GPR158: variants seen among roughly 807,000 people sequenced by gnomAD.
GPR158 encodes metabotropic glycine receptor.
In GPR158, 30 loss-of-function variants were observed where a neutral mutation model predicts 78.2. The observed-to-expected ratio is 0.38, with a 90% confidence interval of 0.29 to 0.52. The LOEUF is 0.52. Ranked by LOEUF, GPR158 falls within the 20% of genes least tolerant of loss-of-function variation. GPR158 has a pLI of 0.83. For synonymous variants in GPR158, 581 were observed against 591.1 expected, an observed-to-expected ratio of 0.98 and a Z score of 0.25; for missense variants, 1,463 against 1,523.5, an observed-to-expected ratio of 0.96 and a Z score of 0.66.
intron 4 of GPR158, among the ~76,000 whole-genome samples, chr10:25,457,428 A>G (rs1288505381): frequency 6.6e-6 from 1 of 150,904 alleles, no homozygotes; most frequent in Non-Finnish European, 1.5e-5. Context: ...TTTTGACTGT[A>G]TGACTTCTGT....
At chr10:25,415,979 A>T (rs1834653153) in intron 4 of GPR158, among the ~76,000 whole-genome samples, 1 of 152,160 alleles carries the variant, frequency 6.6e-6, no homozygotes, top group Admixed American at 6.5e-5. Flanking sequence ...TATATACTTT[A>T]AAAAGGTGAA....
chr10:25,443,400 T>G (rs754867421), intron 4 of GPR158, among the ~76,000 whole-genome samples: 214 of 151,760 alleles, frequency 1.4e-3, no homozygotes, highest in Non-Finnish European at 2.5e-3. Flanking sequence ...ATTAAAAATA[T>G]AAAAATTAGC....
chr10:25,458,038 A>C (rs1190793493), intron 4 of GPR158, among the ~76,000 whole-genome samples: 2 of 152,240 alleles, frequency 1.3e-5, no homozygotes, highest in Non-Finnish European at 2.9e-5. Flanking sequence ...ACATGTATAT[A>C]AAATCATTAA....
chr10:25,279,681 A>C (rs1204186461), intron 2 of GPR158, among the ~76,000 whole-genome samples: 16 of 152,206 alleles, frequency 1.1e-4, no homozygotes, highest in Admixed American at 1.0e-3. Context: ...AACAGTCTTC[A>C]CAATGCCTGG....
chr10:25,181,762 G>A (rs1426738931), intron 1 of GPR158, among the ~76,000 whole-genome samples: 1 of 152,134 alleles, frequency 6.6e-6, no homozygotes, highest in African/African-American at 2.4e-5. Flanking sequence ...CTGTTGCCCA[G>A]GCTGGAGTGC....
At chr10:25,246,762 T>A (rs915925502) in intron 2 of GPR158, among the ~76,000 whole-genome samples, 1 of 152,146 alleles carries the variant, frequency 6.6e-6, no homozygotes, top group African/African-American at 2.4e-5. Context: ...TTCTTGTAAG[T>A]TAAAGAGTCA....
intron 4 of GPR158, among the ~76,000 whole-genome samples, chr10:25,462,533 G>A (rs941747298): frequency 1.3e-5 from 2 of 152,026 alleles, no homozygotes; most frequent in Admixed American, 6.6e-5. Context: ...GATAGATCTG[G>A]GCAAAGTAAA....
intron 7 of GPR158, among the ~76,000 whole-genome samples, chr10:25,574,888 G>T (rs181372151): frequency 2.6e-5 from 4 of 151,820 alleles, no homozygotes; most frequent in Non-Finnish European, 5.9e-5. Flanking sequence ...TTGTCTCAAA[G>T]AAATAAAAAA....
chr10:25,317,045 A>T (rs972686880), intron 2 of GPR158, among the ~76,000 whole-genome samples: 1 of 150,092 alleles, frequency 6.7e-6, no homozygotes. Flanking sequence ...TTAAATTTTT[A>T]AAGTAATTTT....
At chr10:25,562,476 G>A (rs2130722661) in intron 6 of GPR158, among the ~76,000 whole-genome samples, 1 of 152,136 alleles carries the variant, frequency 6.6e-6, no homozygotes, top group South Asian at 2.1e-4. Context: ...ATTCTGATAT[G>A]TTTTTATTTC....
chr10:25,467,626 C>A (rs1002965001), intron 5 of GPR158, among the ~76,000 whole-genome samples: 1 of 152,006 alleles, frequency 6.6e-6, no homozygotes, highest in African/African-American at 2.4e-5. Flanking sequence ...GGGCATGACT[C>A]CCCAGACCCC....
chr10:25,287,000 G>A (rs112555404), intron 2 of GPR158, among the ~76,000 whole-genome samples: 1,826 of 152,106 alleles, frequency 0.012, 27 homozygotes, highest in South Asian at 0.058. Context: ...CTTGATGCCT[G>A]CTATCCTCGT....
intron 5 of GPR158, among the ~76,000 whole-genome samples, chr10:25,524,328 T>C (rs141971360): frequency 2.0e-5 from 3 of 152,244 alleles, no homozygotes; most frequent in East Asian, 3.9e-4. Context: ...GCCCAGAATA[T>C]CTAAAATAAT....
At chr10:25,316,247 G>A (rs1854846391) in intron 2 of GPR158, among the ~76,000 whole-genome samples, 1 of 152,092 alleles carries the variant, frequency 6.6e-6, no homozygotes, top group Admixed American at 6.5e-5. Context: ...GTATCTGGTA[G>A]GCTCTCCCTA....
chr10:25,424,517 G>C (rs1006851038), intron 4 of GPR158, among the ~76,000 whole-genome samples: 2 of 151,190 alleles, frequency 1.3e-5, no homozygotes, highest in Admixed American at 6.6e-5. Flanking sequence ...ATGGTTTTAG[G>C]TCTAACATTT....
intron 6 of GPR158, among the ~76,000 whole-genome samples, chr10:25,553,516 C>A (rs1836751823): frequency 6.6e-6 from 1 of 152,138 alleles, no homozygotes; most frequent in Admixed American, 6.6e-5. Context: ...ACATTGTTTA[C>A]ATCTATAAAC....
At chr10:25,383,042 G>T (rs190812179) in intron 2 of GPR158, among the ~76,000 whole-genome samples, 2 of 152,108 alleles carry the variant, frequency 1.3e-5, no homozygotes, top group East Asian at 3.9e-4. Context: ...TCACTATGTT[G>T]GCCAGGCTGG....
At position 25,597,926 on chromosome 10, in the gene GPR158, G is replaced by A. The variant is rs145808794; in HGVS notation, c.2300G>A (p.Arg767Gln). The change falls in exon 11 of 11, where the codon CGG becomes CAG. Residue 767 changes from arginine to glutamine, a missense_variant. Transcript: ENST00000376351. ...ACGGAGATCCCAGAGACAGTCAGCC[G>A]GCAGTGCTCTAAAGAGGACAAGGAG... The part of the protein sequence containing the change: ...RITEIPETVS[R>Q]QCSKEDKEGA... 2.1e-5 allele frequency: 34 copies of A among 1,612,570 alleles called. No individual in the cohort carries two copies. The highest frequency in any genetic ancestry group is 3.3e-5 in the Admixed American group (2 of 59,794).
intron 4 of GPR158, among the ~76,000 whole-genome samples, chr10:25,430,947 C>T (rs565132404): frequency 1.1e-4 from 17 of 148,350 alleles, no homozygotes; most frequent in Admixed American, 2.0e-4. Flanking sequence ...AGGACATAGG[C>T]ATGGGCAAGG....
Sources: allele counts gnomAD v4.1 joint callset (sites outside exome capture counted in the v4.1 genomes callset), GRCh38; gene constraint gnomAD v4.1.1; transcripts MANE v1.5; gene names NCBI Gene and HGNC (gene_info 2026-07-23, HGNC 2026-07-21).